Variants in ZNF814 observed in about 807,000 individuals in gnomAD.
The protein encoded by ZNF814 is zinc finger protein 814.
ZNF814 carries 5 observed loss-of-function variants against 7.5 expected under a neutral mutation model. That is an observed-to-expected ratio of 0.67 (90% CI 0.35 to 1.40). The LOEUF (loss-of-function observed/expected upper bound fraction) is 1.40, where lower values mean the gene tolerates loss of function less well. ZNF814 is among the 40% of genes most tolerant of loss of function. The pLI is 0.04. For missense variants in ZNF814, 962 were observed against 1,018.0 expected (o/e 0.94, Z 0.75); for synonymous variants, 315 against 340.7 (o/e 0.92, Z 0.83).
At chr19:57,902,025 G>A in the ZNF814 span, among the ~76,000 whole-genome samples, 3 of 152,148 alleles carry the variant, frequency 2.0e-5, no homozygotes, top group African/African-American at 7.2e-5. Flanking sequence ...AGGACCTGCT[G>A]CTGGATGCTT....
chr19:57,904,853 C>G, the ZNF814 span, among the ~76,000 whole-genome samples: 5 of 151,952 alleles, frequency 3.3e-5, no homozygotes, highest in Non-Finnish European at 7.4e-5. Flanking sequence ...GCGTTCCTGA[C>G]TAGCTTGATC....
intron 1 of ZNF814, among the ~76,000 whole-genome samples, chr19:57,878,026 C>T (rs1475145923): frequency 3.3e-5 from 5 of 151,704 alleles, no homozygotes; most frequent in South Asian, 2.1e-4. Context: ...ATTAGCTGAG[C>T]GTGGTGTCGG....
the ZNF814 span, among the ~76,000 whole-genome samples, chr19:57,904,509 T>C: frequency 6.6e-6 from 1 of 152,192 alleles, no homozygotes; most frequent in African/African-American, 2.4e-5. Flanking sequence ...TTTAAGCCCC[T>C]GCCTTTGAAA....
At chr19:57,876,114 A>T (rs2122434882) in intron 2 of ZNF814, among the ~76,000 whole-genome samples, 1 of 151,978 alleles carries the variant, frequency 6.6e-6, no homozygotes, top group Non-Finnish European at 1.5e-5. Flanking sequence ...ATGTACCACC[A>T]GGCCTGACTA....
chr19:57,888,452 G>C (rs1459890404), intron 1 of ZNF814, among the ~76,000 whole-genome samples: 6 of 152,256 alleles, frequency 3.9e-5, no homozygotes, highest in Admixed American at 6.5e-5. Context: ...GGGTCCTCAC[G>C]TGAGTTCATA....
At chr19:57,889,935 T>A (rs149555827), upstream of ZNF814, among the ~76,000 whole-genome samples, 282 of 152,326 alleles carry the variant, frequency 1.9e-3, no homozygotes, top group Middle Eastern at 0.02. Flanking sequence ...CAGAGGATCA[T>A]CCTGCCTCTC....
chr19:57,886,551 G>A (rs2071695137), intron 1 of ZNF814, among the ~76,000 whole-genome samples: 1 of 151,890 alleles, frequency 6.6e-6, no homozygotes. Flanking sequence ...AGGGCACTCT[G>A]CCATCAAGGG....
Position 57,876,924 on chromosome 19 carries a change from G to A in ZNF814, c.155C>T (p.Ser52Phe). ...DVTLENLALI[S>F]SLGCWCGVED... Reference sequence around the variant, plus strand: ...GAGTGTGAGCAACTTACCCAGGGAGGATATAAGTGCCAGGTTCTCCAGCGT... The same window carrying A: ...GAGTGTGAGCAACTTACCCAGGGAGAATATAAGTGCCAGGTTCTCCAGCGT... The change falls in exon 2 of 3, where the codon TCC becomes TTC. Residue 52 changes from serine to phenylalanine, a missense_variant. Transcript: ENST00000435989. The A allele has an allele frequency of 6.2e-7, 1 of 1,614,092 alleles. No individual in the cohort carries two copies. Among genetic ancestry groups the A allele is most frequent in the East Asian group, 2.2e-5 (1 of 44,884 alleles).
Position 57,878,647 on chromosome 19 carries a change from T to C in ZNF814, c.37-1605A>G, listed in dbSNP as rs113834662. 2.0e-3 allele frequency among the ~76,000 whole-genome samples: 310 copies of C among 152,166 alleles called. 4 individuals carry two copies. The highest frequency in any genetic ancestry group is 7.0e-3 in the African/African-American group (291 of 41,528). On this transcript the variant is annotated intron_variant, in intron 1 of 2. Transcript: ENST00000435989. ...CTAATTTCTATATTTTTAATAGAGA[T>C]GGCGTTTCACCATATTGGGCAGGCT...
At position 57,883,920 on chromosome 19, in the gene ZNF814, C is replaced by A. The variant is rs7408735; in HGVS notation, c.36+4847G>T. 6.5e-3 allele frequency among the ~76,000 whole-genome samples: 991 copies of A among 152,104 alleles called. 13 individuals are homozygous for A. The highest frequency in any genetic ancestry group is 0.022 in the African/African-American group (925 of 41,520). On this transcript the variant is annotated intron_variant, in intron 1 of 2. Transcript: ENST00000435989. The stretch of plus-strand genomic sequence containing the variant: ...TACAGGCATGTACCACCACACCCAG[C>A]TAATTTTTGTATTTTTAGTAGAGAT...
chr19:57,870,063 A>AC lies in ZNF814; in HGVS notation c.*2758dup, dbSNP rs2071543934. ...AGACCATCCTAGTTAACATGGTGAA[A>AC]CCCCATCTCTAGTAAAGATACAAAA... On this transcript the variant is annotated 3_prime_UTR_variant, in exon 3 of 3. Transcript: ENST00000435989. 1 of 152,034 alleles carries AC rather than the reference A, an allele frequency of 6.6e-6. No individual in the cohort carries two copies. Among genetic ancestry groups the AC allele is most frequent in the African/African-American group, 2.4e-5 (1 of 41,384 alleles). The allele number at this position is 152,034 out of a possible 1,614,324, so 9.4% of individuals were successfully genotyped here. A position where few individuals can be genotyped will look rare whatever the true frequency, so the allele number is the denominator to read the frequency against.
rs1451409857 is a variant in ZNF814 at position 57,872,156 on chromosome 19, G to A, written c.*666C>T. On this transcript the variant is annotated 3_prime_UTR_variant, in exon 3 of 3. Transcript: ENST00000435989. ...GTATAGTGAAAAATGCACTGTAGCT[G>A]CCACACACTTGGAACTTTTGCAGAT... 6.6e-6 allele frequency among the ~76,000 whole-genome samples: 1 copy of A among 152,158 alleles called. No homozygotes were observed. The highest frequency in any genetic ancestry group is 2.4e-5 in the African/African-American group (1 of 41,434).
Position 57,872,727 on chromosome 19 carries a change from A to G in ZNF814, c.*95T>C. 3 of 1,607,864 alleles carry G rather than the reference A, an allele frequency of 1.9e-6. No individual in the cohort carries two copies. Among genetic ancestry groups the G allele is most frequent in the Non-Finnish European group, 2.6e-6 (3 of 1,176,370 alleles). On this transcript the variant is annotated 3_prime_UTR_variant, in exon 3 of 3. Transcript: ENST00000435989. ...GAGCTGTGGGTAGATGACTTCCCAC[A>G]ATCACTGCATTCATATGGCCTTTCT...
chr19:57,898,227 C>T, the ZNF814 span, among the ~76,000 whole-genome samples: 1 of 152,156 alleles, frequency 6.6e-6, no homozygotes, highest in Non-Finnish European at 1.5e-5. Flanking sequence ...CAAGAAGGGA[C>T]GATTCAACCT....
At chr19:57,900,839 A>ACTTT in the ZNF814 span, among the ~76,000 whole-genome samples, 1 of 45,782 alleles carries the variant, frequency 2.2e-5, no homozygotes, top group African/African-American at 8.0e-5. Flanking sequence ...CCATGGCTGC[A>ACTTT]TTTTTTTTTT....
chr19:57,873,831 T>A lies in ZNF814; in HGVS notation c.1559A>T (p.Tyr520Phe). The change falls in exon 3 of 3, where the codon TAT becomes TTT. Residue 520 changes from tyrosine to phenylalanine, a missense_variant. Physicochemically the swap from Tyr to Phe is conservative, Grantham distance 22 (BLOSUM62 3). Transcript: ENST00000435989. The part of the protein sequence containing the change: ...HQRVHTGARP[Y>F]ECGECGKSFS... ...TGATTTCCCACATTCTCCACACTCA[T>A]AAGGTCTTGCTCCAGTGTGAACTCG... 6.2e-7 allele frequency: 1 copy of A among 1,614,094 alleles called. No homozygotes were observed. Among genetic ancestry groups the A allele is most frequent in the Middle Eastern group, 1.7e-4 (1 of 6,058 alleles).
intron 1 of ZNF814, among the ~76,000 whole-genome samples, chr19:57,884,316 C>G (rs1048332321): frequency 1.3e-5 from 2 of 152,246 alleles, no homozygotes; most frequent in South Asian, 2.1e-4. Context: ...AGACATTTCT[C>G]AAAAGAAGAC....
In ZNF814 at chr19:57,872,610, G is replaced by A; in HGVS notation, c.*212C>T. 1 of 1,322,868 alleles carries A rather than the reference G, an allele frequency of 7.6e-7. No homozygotes were observed. Among genetic ancestry groups the A allele is most frequent in the South Asian group, 1.3e-5 (1 of 74,272 alleles). 81.9% of individuals were successfully genotyped at this position (1,322,868 alleles called of 1,614,324 possible). A position where few individuals can be genotyped will look rare whatever the true frequency, so the allele number is the denominator to read the frequency against. On this transcript the variant is annotated 3_prime_UTR_variant, in exon 3 of 3. Coordinates refer to ENST00000435989, the MANE Select transcript of ZNF814 (RefSeq NM_001144989.2). The stretch of plus-strand genomic sequence containing the variant: ...CAGTGTGAACTCTCCTGTGTTTAAT[G>A]AGACTGAAAGTTTCAGCAAAGGATT...
intron 1 of ZNF814, among the ~76,000 whole-genome samples, chr19:57,878,060 G>A (rs1305419674): frequency 2.6e-5 from 4 of 151,450 alleles, no homozygotes; most frequent in Non-Finnish European, 4.4e-5. Context: ...CAGCTACTTG[G>A]GAGGCTGAGG....
Sources: allele counts gnomAD v4.1 joint callset (sites outside exome capture counted in the v4.1 genomes callset), GRCh38; gene constraint gnomAD v4.1.1; transcripts MANE v1.5; gene names NCBI Gene and HGNC (gene_info 2026-07-23, HGNC 2026-07-21).